Variants in TSPAN32 observed in about 807,000 individuals in gnomAD.
The protein encoded by TSPAN32 is tetraspanin 32.
TSPAN32 carries 47 observed loss-of-function variants against 42.7 expected under a neutral mutation model. The ratio of observed to expected loss-of-function variants is 1.10; its 90% CI spans 0.87 to 1.40. The LOEUF is 1.40. TSPAN32 is among the 40% of genes most tolerant of loss of function. The pLI, the probability that TSPAN32 is intolerant of heterozygous loss-of-function variation, is 0.00. For missense variants in TSPAN32, 469 were observed against 424.1 expected, an observed-to-expected ratio of 1.11 and a Z score of -0.93; for synonymous variants, 175 against 175.9, an observed-to-expected ratio of 0.99 and a Z score of 0.04.
chr11:2,305,809 C>G (rs887228212), intron 3 of TSPAN32, among the ~76,000 whole-genome samples: 4 of 152,228 alleles, frequency 2.6e-5, no homozygotes, highest in African/African-American at 9.6e-5. Context: ...CCAGTCCCAG[C>G]TGGGTGGGCT....
intron 2 of TSPAN32, 66 bp downstream of exon 2, chr11:2,303,024 C>A: frequency 7.0e-7 from 1 of 1,420,524 alleles, no homozygotes; most frequent in Non-Finnish European, 9.8e-7. Flanking sequence ...TGGCACGAGC[C>A]CAGCTGGACG....
At chr11:2,306,828 GGA>G (rs1564957339) in intron 3 of TSPAN32, 1 of 33,406 alleles carries the variant, frequency 3.0e-5, no homozygotes, top group Non-Finnish European at 1.2e-4. Context: ...GAAGGGAGAG[GGA>G]GAGGGGGAGG....
chr11:2,316,550 G>T, intron 7 of TSPAN32, 26 bp from the exon 8 acceptor site: 2 of 1,602,576 alleles, frequency 1.2e-6, no homozygotes, highest in South Asian at 1.1e-5. Flanking sequence ...GGGGCAGTGG[G>T]GCAGCCGCGG....
At chr11:2,306,013 T>TGC (rs1248906573) in intron 3 of TSPAN32, among the ~76,000 whole-genome samples, 1 of 151,514 alleles carries the variant, frequency 6.6e-6, no homozygotes, top group Non-Finnish European at 1.5e-5. Flanking sequence ...CATGAGTGTG[T>TGC]GTGTGCATGT....
chr11:2,310,254 G>A (rs1006208975), intron 4 of TSPAN32, among the ~76,000 whole-genome samples: 5 of 152,180 alleles, frequency 3.3e-5, no homozygotes, highest in African/African-American at 9.7e-5. Flanking sequence ...GGCTCTGATC[G>A]TGGAGCCACA....
rs1178937524 is a variant in TSPAN32, at chr11:2,304,060, ACCTGT to A, written c.182-42_182-38del. 1 of 1,448,898 alleles carries A rather than the reference ACCTGT, an allele frequency of 6.9e-7. No homozygotes were observed. The highest frequency in any genetic ancestry group is 1.2e-5 in the South Asian group (1 of 82,114). 89.8% of individuals were successfully genotyped at this position (1,448,898 alleles called of 1,614,324 possible). A position where few individuals can be genotyped will look rare whatever the true frequency, so the allele number is the denominator to read the frequency against. Reference sequence around the variant, plus strand: ...CACACCCAGGCTGTGTGCACTCAGGACCTGTCCTGGGCACCCCTAACCCTCCTCCT... The same window carrying A: ...CACACCCAGGCTGTGTGCACTCAGGACCTGGGCACCCCTAACCCTCCTCCT... On this transcript the variant is annotated intron_variant, in intron 2 of 9. Transcript: ENST00000182290. The surrounding 1 kb of genome is among the most constrained non-coding windows in gnomAD (Gnocchi z 4.8).
At position 2,302,358 on chromosome 11, in the gene TSPAN32, C is replaced by T. The variant is rs2234289; in HGVS notation, c.66+143C>T. 2,651 of 968,416 alleles carry T rather than the reference C, an allele frequency of 2.7e-3. 50 individuals are homozygous for T. In the African/African-American group the frequency reaches 0.04, roughly 15 times the overall value. The allele number at this position is 968,416 out of a possible 1,614,324, so 60.0% of individuals were successfully genotyped here. On this transcript the variant is annotated intron_variant, in intron 1 of 9. Transcript: ENST00000182290. ...CTGTCCTGCCCTTGCAGACATGTGT[C>T]CTGCCCTTGCAGACAGCCGCAGGCA...
Position 2,317,534 on chromosome 11 carries a change from GC to G in TSPAN32, c.901+13del. 1 of 1,568,188 alleles carries G rather than the reference GC, an allele frequency of 6.4e-7. No homozygotes were observed. Among genetic ancestry groups the G allele is most frequent in the Non-Finnish European group, 8.6e-7 (1 of 1,160,368 alleles). ...CCTGGCTGCCCACAGAGGTGAAGAC[GC>G]CCCTGCTGTCAGCCCTCATGGGATC... On this transcript the variant is annotated intron_variant, in intron 9 of 9. Transcript: ENST00000182290. This position sits in a 1 kb window ranked among gnomAD's most constrained non-coding sequence, Gnocchi z 6.2.
chr11:2,316,722 G>T, intron 8 of TSPAN32, 55 bp downstream of exon 8: 2 of 1,489,572 alleles, frequency 1.3e-6, no homozygotes, highest in Non-Finnish European at 9.0e-7. Context: ...AGCTCTGCTC[G>T]AGAGGCATCT....
chr11:2,313,528 A>G lies in TSPAN32; in HGVS notation c.355-126A>G. The G allele has an allele frequency of 1.4e-6, 1 of 693,526 alleles. No homozygotes were observed. Among genetic ancestry groups the G allele is most frequent in the East Asian group, 2.8e-5 (1 of 35,654 alleles). 43.0% of individuals were successfully genotyped at this position (693,526 alleles called of 1,614,324 possible). The stretch of plus-strand genomic sequence containing the variant: ...GCTTTGGGGAGATCCACCTGCTACA[A>G]GGAGGGCAGTGCTGGGACGTCACTC... On this transcript the variant is annotated intron_variant, in intron 4 of 9. Coordinates refer to ENST00000182290, the MANE Select transcript of TSPAN32 (RefSeq NM_139022.3). The surrounding 1 kb of genome is among the most constrained non-coding windows in gnomAD (Gnocchi z 9.1).
At chr11:2,305,436 G>C (rs911477725) in intron 3 of TSPAN32, among the ~76,000 whole-genome samples, 3 of 151,622 alleles carry the variant, frequency 2.0e-5, no homozygotes, top group Non-Finnish European at 4.4e-5. Flanking sequence ...GTTGGCAACA[G>C]GGCCAGGCCA....
At chr11:2,310,794 G>A (rs1363303814) in intron 4 of TSPAN32, among the ~76,000 whole-genome samples, 1 of 152,224 alleles carries the variant, frequency 6.6e-6, no homozygotes, top group African/African-American at 2.4e-5. Flanking sequence ...TGCCCAGGCT[G>A]GTCCTCCAGG....
intron 4 of TSPAN32, among the ~76,000 whole-genome samples, chr11:2,310,432 C>T (rs145112232): frequency 1.3e-5 from 2 of 152,200 alleles, no homozygotes; most frequent in Non-Finnish European, 2.9e-5. Flanking sequence ...TTGTCTGGCC[C>T]GTGCGCCCAG....
intron 4 of TSPAN32, chr11:2,309,448 C>G: frequency 2.3e-6 from 1 of 442,674 alleles, no homozygotes; most frequent in South Asian, 1.6e-5. Context: ...CCTCCCTGGC[C>G]CAGCAGAGAA....
At chr11:2,315,261 G>A (rs989742316) in intron 6 of TSPAN32, 6 of 1,196,460 alleles carry the variant, frequency 5.0e-6, no homozygotes, top group Admixed American at 3.6e-5. Flanking sequence ...GGCACCTGGC[G>A]ACCCTCCAAG....
At chr11:2,314,991 T>TG in intron 6 of TSPAN32, 1 of 290,630 alleles carries the variant, frequency 3.4e-6, no homozygotes, top group South Asian at 2.9e-5. Context: ...GCAGGCGTCC[T>TG]GGGGGGCATC....
chr11:2,302,775 C>A, intron 1 of TSPAN32, 69 bp from the exon 2 acceptor site: 2 of 1,344,162 alleles, frequency 1.5e-6, no homozygotes, highest in East Asian at 2.4e-5. Context: ...CAACCCTGCC[C>A]GCTGGGGCCG....
At chr11:2,312,168 C>G (rs1398895697) in intron 4 of TSPAN32, among the ~76,000 whole-genome samples, 1 of 152,218 alleles carries the variant, frequency 6.6e-6, no homozygotes, top group Admixed American at 6.5e-5. Flanking sequence ...CTCAGAGGCA[C>G]CTTTGTCCTC....
At position 2,317,322 on chromosome 11, in the gene TSPAN32, C is replaced by G; in HGVS notation, c.720-22C>G. 6.4e-7 allele frequency: 1 copy of G among 1,568,978 alleles called. No individual in the cohort carries two copies. Among genetic ancestry groups the G allele is most frequent in the South Asian group, 1.2e-5 (1 of 85,810 alleles). On this transcript the variant is annotated intron_variant, in intron 8 of 9. Coordinates refer to ENST00000182290, the MANE Select transcript of TSPAN32 (RefSeq NM_139022.3). This position sits in a 1 kb window ranked among gnomAD's most constrained non-coding sequence, Gnocchi z 6.2. ...CCCTGTAGAACATTCCACCACAGCC[C>G]CATGATCCCCTTGCTCCTCAGAGCA...
Sources: gnomAD v4.1 joint callset for allele counts (sites outside exome capture counted in the v4.1 genomes callset) on GRCh38, gnomAD v4.1.1 for gene constraint, Gnocchi (gnomAD v3.1) non-coding constraint, MANE v1.5 for transcripts, NCBI Gene and HGNC (gene_info 2026-07-23, HGNC 2026-07-21) for gene names.